The following IRF4 variants were observed in gnomAD, a reference collection of about 807,000 sequenced individuals.
IRF4 encodes interferon regulatory factor 4.
IRF4 carries 13 observed loss-of-function variants against 55.5 expected under a neutral mutation model. The observed-to-expected ratio is 0.23, with a 90% CI of 0.15 to 0.37. The LOEUF is 0.37. IRF4 is among the 10% of genes least tolerant of loss of function. IRF4 has a pLI of 1.00. For missense variants in IRF4, 397 were observed against 593.8 expected, an observed-to-expected ratio of 0.67 and a Z score of 3.44; for synonymous variants, 249 against 240.7, an observed-to-expected ratio of 1.03 and a Z score of -0.32.
chr6:409,878 T>G lies in IRF4; in HGVS notation c.*2280T>G, dbSNP rs903323482. ...CCATTTCAATTGCTTTGTGACTTCTTCTTCTTTGTTTTTTTAAATATTATG... is the reference window on the plus strand; with the variant it reads ...CCATTTCAATTGCTTTGTGACTTCTGCTTCTTTGTTTTTTTAAATATTATG... On this transcript the variant is annotated 3_prime_UTR_variant, in exon 9 of 9. Transcript: ENST00000380956. 1 of 229,308 alleles carries G rather than the reference T, an allele frequency of 4.4e-6. No individual in the cohort carries two copies. The highest frequency in any genetic ancestry group is 2.2e-5 in the African/African-American group (1 of 45,142). The allele number at this position is 229,308 out of a possible 1,614,324, so 14.2% of individuals were successfully genotyped here.
chr6:397,914 G>T (rs969778206), intron 5 of IRF4, among the ~76,000 whole-genome samples: 4 of 152,214 alleles, frequency 2.6e-5, no homozygotes, highest in African/African-American at 9.6e-5. Context: ...CCTGAGACAG[G>T]TCAACACACT....
chr6:397,752 T>G (rs186067525), intron 5 of IRF4, among the ~76,000 whole-genome samples: 1 of 152,352 alleles, frequency 6.6e-6, no homozygotes, highest in Admixed American at 6.5e-5. Flanking sequence ...TTGCTGATTG[T>G]GGATTAGATG....
chr6:406,523 C>A (rs931364755), intron 8 of IRF4, among the ~76,000 whole-genome samples: 1 of 150,870 alleles, frequency 6.6e-6, no homozygotes, highest in African/African-American at 2.4e-5. Flanking sequence ...GCCTGGGTGA[C>A]AGAGTGAGAC....
chr6:404,238 G>A (rs371713355), intron 7 of IRF4, among the ~76,000 whole-genome samples: 5 of 152,190 alleles, frequency 3.3e-5, no homozygotes, highest in South Asian at 2.1e-4. Context: ...AGGGAGCATG[G>A]GCTAAAGTCA....
In IRF4 at chr6:407,629, CTT is replaced by C. The variant is rs566047868; in HGVS notation, c.*49_*50del. 0.042 allele frequency: 51,484 copies of C among 1,211,500 alleles called. No homozygotes were observed. Among genetic ancestry groups the C allele is most frequent in the Non-Finnish European group, 0.045 (39,877 of 891,538 alleles). The allele number at this position is 1,211,500 out of a possible 1,614,324, so 75.0% of individuals were successfully genotyped here. A position where few individuals can be genotyped will look rare whatever the true frequency, so the allele number is the denominator to read the frequency against. The stretch of plus-strand genomic sequence containing the variant: ...GTCAAGATGAGTGGTTTTCTTTTTC[CTT>C]TTTTTTTTTTTTTTTTTGATACGGG... On this transcript the variant is annotated 3_prime_UTR_variant, in exon 9 of 9. Coordinates refer to ENST00000380956, the MANE Select transcript of IRF4 (RefSeq NM_002460.4).
chr6:397,350 TTTCCCC>T, intron 5 of IRF4, 98 bp downstream of exon 5: 8 of 1,420,938 alleles, frequency 5.6e-6, no homozygotes, highest in Non-Finnish European at 7.7e-6. Flanking sequence ...ACCAAAGCTC[TTTCCCC>T]TTCTTAGAGG....
intron 7 of IRF4, among the ~76,000 whole-genome samples, chr6:403,839 C>G (rs987871963): frequency 6.6e-6 from 1 of 152,150 alleles, no homozygotes; most frequent in Non-Finnish European, 1.5e-5. Context: ...CATGCTTTCT[C>G]AGAGAATTGT....
rs918300627 is a variant in IRF4, at chr6:408,565, T to G, written c.*967T>G. 4.4e-6 allele frequency: 1 copy of G among 229,884 alleles called. No individual in the cohort carries two copies. The highest frequency in any genetic ancestry group is 2.2e-5 in the African/African-American group (1 of 45,138). The allele number at this position is 229,884 out of a possible 1,614,324, so 14.2% of individuals were successfully genotyped here. A position where few individuals can be genotyped will look rare whatever the true frequency, so the allele number is the denominator to read the frequency against. ...TCTTGTTTCTGCATCTTTTTGACCC[T>G]CATTCTTTAGAGATGCTAAAATTCT... On this transcript the variant is annotated 3_prime_UTR_variant, in exon 9 of 9. Transcript: ENST00000380956.
At position 401,491 on chromosome 6, in the gene IRF4, C is replaced by A; in HGVS notation, c.813C>A (p.Pro271=). 1 of 1,613,918 alleles carries A rather than the reference C, an allele frequency of 6.2e-7. No homozygotes were observed. The highest frequency in any genetic ancestry group is 8.5e-7 in the Non-Finnish European group (1 of 1,180,028). Residue 271 remains proline, a synonymous_variant, in exon 7 of 9, where the codon CCC becomes CCA. Transcript: ENST00000380956. ...TGAAGGAGCTGACCACGTCCAGCCC[C>A]GAGGGCTGCCGGATCTCCCATGGAC... ...ILVKELTTSS[P]EGCRISHGHT... is the part of the protein sequence containing the mutation.
At chr6:399,243 C>T (rs1259447810) in intron 6 of IRF4, among the ~76,000 whole-genome samples, 2 of 152,116 alleles carry the variant, frequency 1.3e-5, no homozygotes, top group African/African-American at 2.4e-5. Context: ...ACCGAGGGCC[C>T]CTCTTCAGCC....
intron 1 of IRF4, among the ~76,000 whole-genome samples, chr6:392,188 G>A (rs1486242992): frequency 6.6e-6 from 1 of 152,256 alleles, no homozygotes; most frequent in Non-Finnish European, 1.5e-5. Context: ...GCCCGGCCCT[G>A]TGGACCCCAA....
chr6:394,230 C>T (rs1255667701), intron 2 of IRF4, among the ~76,000 whole-genome samples: 1 of 152,218 alleles, frequency 6.6e-6, no homozygotes, highest in Non-Finnish European at 1.5e-5. Flanking sequence ...TAGTCCTAGG[C>T]AAGCTCACTC....
At chr6:404,884 C>T in intron 7 of IRF4, 134 bp from the exon 8 acceptor site, 3 of 615,354 alleles carry the variant, frequency 4.9e-6, no homozygotes, top group Non-Finnish European at 8.7e-6. Context: ...ATCAAGAGCC[C>T]CACTCAGCGG....
intron 7 of IRF4, among the ~76,000 whole-genome samples, chr6:403,065 C>T (rs1761449100): frequency 6.6e-6 from 1 of 152,228 alleles, no homozygotes; most frequent in African/African-American, 2.4e-5. Flanking sequence ...ACTAAGCTCA[C>T]ACAGAGGCTG....
intron 2 of IRF4, among the ~76,000 whole-genome samples, chr6:394,240 C>CA (rs1043881668): frequency 6.6e-6 from 1 of 152,212 alleles, no homozygotes; most frequent in African/African-American, 2.4e-5. Flanking sequence ...CAAGCTCACT[C>CA]AGACACTGGG....
In IRF4 at chr6:409,996, C is replaced by G. The variant is rs1761653543; in HGVS notation, c.*2398C>G. ...ATCTTTACATCTATGTGTATGTTGA[C>G]TTTTTAAAATTCTGAGTGATCCAGG... On this transcript the variant is annotated 3_prime_UTR_variant, in exon 9 of 9. Transcript: ENST00000380956. 4.4e-6 allele frequency: 1 copy of G among 228,564 alleles called. No homozygotes were observed. Among genetic ancestry groups the G allele is most frequent in the Non-Finnish European group, 8.7e-6 (1 of 115,164 alleles). The allele number at this position is 228,564 out of a possible 1,614,324, so 14.2% of individuals were successfully genotyped here.
Position 393,435 on chromosome 6 carries a change from GGCGCCGCCTC to G in IRF4, c.216+68_216+77del. ...CCCAGAGACAGAGCCCGGGGTCCCC[GGCGCCGCCTC>G]CGAGGCGAGCCCAGGGGACCGCGCG... On this transcript the variant is annotated intron_variant, in intron 2 of 8. Coordinates refer to ENST00000380956, the MANE Select transcript of IRF4 (RefSeq NM_002460.4). This position sits in a 1 kb window ranked among gnomAD's most constrained non-coding sequence, Gnocchi z 5.4. 8.7e-7 allele frequency: 1 copy of G among 1,149,176 alleles called. No homozygotes were observed. The highest frequency in any genetic ancestry group is 1.2e-6 in the Non-Finnish European group (1 of 868,286). The allele number at this position is 1,149,176 out of a possible 1,614,324, so 71.2% of individuals were successfully genotyped here.
intron 6 of IRF4, among the ~76,000 whole-genome samples, chr6:400,758 T>G (rs868160227): frequency 6.7e-6 from 1 of 149,368 alleles, no homozygotes; most frequent in African/African-American, 2.5e-5. Flanking sequence ...CATAAATAAT[T>G]AAGCACCTAA....
intron 7 of IRF4, among the ~76,000 whole-genome samples, chr6:402,005 T>C (rs1040583751): frequency 6.6e-6 from 1 of 152,218 alleles, no homozygotes; most frequent in African/African-American, 2.4e-5. Flanking sequence ...GCTGTTCTCT[T>C]GCAATTCTGG....
Sources: allele counts gnomAD v4.1 joint callset (sites outside exome capture counted in the v4.1 genomes callset), GRCh38; gene constraint gnomAD v4.1.1; non-coding constraint Gnocchi (gnomAD v3.1); transcripts MANE v1.5; gene names NCBI Gene and HGNC (gene_info 2026-07-23, HGNC 2026-07-21).